ANGPT4: variants seen among roughly 807,000 people sequenced by gnomAD.
ANGPT4 encodes angiopoietin-4.
A neutral mutation model predicts 53.0 loss-of-function variants in ANGPT4; 50 were observed. The observed-to-expected ratio is 0.94, with a 90% confidence interval of 0.75 to 1.20. The LOEUF is 1.20. ANGPT4 is among the 50% of genes most tolerant of loss of function. ANGPT4 has a pLI of 0.00. For synonymous variants in ANGPT4, 251 were observed against 259.7 expected, an observed-to-expected ratio of 0.97 and a Z score of 0.32; for missense variants, 648 against 637.1, an observed-to-expected ratio of 1.02 and a Z score of -0.18.
intron 1 of ANGPT4, among the ~76,000 whole-genome samples, chr20:903,339 C>T (rs747263935): frequency 2.0e-5 from 3 of 152,186 alleles, no homozygotes; most frequent in Non-Finnish European, 4.4e-5. Flanking sequence ...ATCCTGCATC[C>T]AATCTGTTGT....
intron 1 of ANGPT4, among the ~76,000 whole-genome samples, chr20:907,262 A>C (rs560976393): frequency 2.0e-5 from 3 of 152,124 alleles, no homozygotes; most frequent in Admixed American, 6.5e-5. Flanking sequence ...CCTGAGCCTC[A>C]CCTTTCATGG....
chr20:893,642 A>G (rs555088645), intron 1 of ANGPT4, among the ~76,000 whole-genome samples: 320 of 152,094 alleles, frequency 2.1e-3, no homozygotes, highest in African/African-American at 7.2e-3. Context: ...CCATCTCTGC[A>G]TGGTTTCCAA....
At chr20:873,321 G>T (rs1320441020) in intron 8 of ANGPT4, among the ~76,000 whole-genome samples, 1 of 152,056 alleles carries the variant, frequency 6.6e-6, no homozygotes, top group Admixed American at 6.5e-5. Context: ...GCCTCTAGAG[G>T]GCAGCAAGGG....
rs374800781 is a variant in ANGPT4 at position 908,851 on chromosome 20, T to C, written c.309+7055A>G. 7.2e-5 allele frequency among the ~76,000 whole-genome samples: 11 copies of C among 152,208 alleles called. No homozygotes were observed. The highest frequency in any genetic ancestry group is 2.7e-4 in the African/African-American group (11 of 41,452). Reference sequence around the variant, plus strand: ...ATTGAAAGGATGCATGATTTTTTCATGACATTTATGGCATGCTATGTATCT... The same window carrying C: ...ATTGAAAGGATGCATGATTTTTTCACGACATTTATGGCATGCTATGTATCT... On this transcript the variant is annotated intron_variant, in intron 1 of 8. Transcript: ENST00000381922. This position sits in a 1 kb window ranked among gnomAD's most constrained non-coding sequence, Gnocchi z 4.9.
Position 878,384 on chromosome 20 carries a change from G to C in ANGPT4, c.1054-57C>G. 5 of 1,531,406 alleles carry C rather than the reference G, an allele frequency of 3.3e-6. No individual in the cohort carries two copies. The South Asian group carries it at 4.9e-5, about 15-fold the overall frequency. The allele number at this position is 1,531,406 out of a possible 1,614,324, so 94.9% of individuals were successfully genotyped here. On this transcript the variant is annotated intron_variant, in intron 6 of 8. Coordinates refer to ENST00000381922, the MANE Select transcript of ANGPT4 (RefSeq NM_015985.4). The stretch of plus-strand genomic sequence containing the variant: ...TGCTGAGGAGGAGGCCATGTCCCTG[G>C]CTGAGGAGCTGGGCTGGGCCAGGCT...
intron 1 of ANGPT4, among the ~76,000 whole-genome samples, chr20:907,699 C>G (rs1488911600): frequency 6.6e-6 from 1 of 152,210 alleles, no homozygotes; most frequent in Non-Finnish European, 1.5e-5. Context: ...GGTAGCTCTT[C>G]ACAGGTGTAA....
chr20:910,707 T>C (rs976137707), intron 1 of ANGPT4, among the ~76,000 whole-genome samples: 1 of 152,164 alleles, frequency 6.6e-6, no homozygotes, highest in Non-Finnish European at 1.5e-5. Flanking sequence ...AGGAGAGAAC[T>C]AGAAACATGT....
intron 1 of ANGPT4, among the ~76,000 whole-genome samples, chr20:907,093 T>TCA (rs1468807439): frequency 6.6e-6 from 1 of 152,192 alleles, no homozygotes; most frequent in African/African-American, 2.4e-5. Context: ...TGTTTCCTCC[T>TCA]TGCAGAGCGC....
chr20:892,111 T>C (rs894856722), intron 1 of ANGPT4, among the ~76,000 whole-genome samples: 1 of 135,806 alleles, frequency 7.4e-6, no homozygotes, highest in Non-Finnish European at 1.6e-5. Flanking sequence ...CACACAAACA[T>C]GCGCTAACAG....
intron 3 of ANGPT4, among the ~76,000 whole-genome samples, chr20:886,538 C>T (rs1981626129): frequency 6.6e-6 from 1 of 152,158 alleles, no homozygotes; most frequent in Non-Finnish European, 1.5e-5. Context: ...CCTAATAAAG[C>T]CATCGTAAGT....
At chr20:888,585 C>G in intron 2 of ANGPT4, 146 bp from the exon 3 acceptor site, 1 of 1,348,438 alleles carries the variant, frequency 7.4e-7, no homozygotes, top group Non-Finnish European at 9.8e-7. Context: ...TACTCACTCA[C>G]AGGCCCTGAC....
At chr20:876,180 G>A (rs77164499) in intron 7 of ANGPT4, among the ~76,000 whole-genome samples, 1,735 of 151,632 alleles carry the variant, frequency 0.011, 40 homozygotes, top group African/African-American at 0.04. Context: ...GTCTTGCTGG[G>A]TGGAGGCAAG....
At chr20:897,706 G>A (rs1423707631) in intron 1 of ANGPT4, among the ~76,000 whole-genome samples, 2 of 151,990 alleles carry the variant, frequency 1.3e-5, no homozygotes, top group African/African-American at 4.8e-5. Context: ...TACAGCCCAG[G>A]GCTGCTCACC....
Position 890,363 on chromosome 20 carries a change from C to T in ANGPT4, c.315G>A (p.Glu105=), listed in dbSNP as rs542780866. 1.9e-6 allele frequency: 3 copies of T among 1,610,368 alleles called. No individual in the cohort carries two copies. Among genetic ancestry groups the T allele is most frequent in the East Asian group, 4.5e-5 (2 of 44,842 alleles). The change falls in exon 2 of 9, where the codon GAG becomes GAA. Residue 105 remains glutamate (E), a synonymous_variant. Coordinates refer to ENST00000381922, the MANE Select transcript of ANGPT4 (RefSeq NM_015985.4). ...ACCTCAAGATCGTCTTGATGGCCCT[C>T]TCTAGCTGTGGGAGACCATGGGCTG... ...QNNTQWLKKL[E]RAIKTILRSK...
rs531695457 is a variant in ANGPT4, at chr20:871,329, G to A, written c.*1631C>T. The A allele has an allele frequency of 6.6e-6, 1 of 152,342 alleles. No individual in the cohort carries two copies. Among genetic ancestry groups the A allele is most frequent in the Non-Finnish European group, 1.5e-5 (1 of 68,146 alleles). 9.4% of individuals were successfully genotyped at this position (152,342 alleles called of 1,614,324 possible). On this transcript the variant is annotated 3_prime_UTR_variant, in exon 9 of 9. Coordinates refer to ENST00000381922, the MANE Select transcript of ANGPT4 (RefSeq NM_015985.4). ...CTGGGGCGAGCCAGGGGGATGAAGG[G>A]GTCCCATTCCCATTGGCTCAGTCTC... is the stretch of plus-strand genomic sequence containing the variant.
intron 1 of ANGPT4, among the ~76,000 whole-genome samples, chr20:906,997 C>T (rs1431444341): frequency 6.6e-6 from 1 of 152,206 alleles, no homozygotes; most frequent in African/African-American, 2.4e-5. Flanking sequence ...TGGAGCACTG[C>T]ACTGAGAGTC....
chr20:894,860 C>T (rs1981983678), intron 1 of ANGPT4, among the ~76,000 whole-genome samples: 2 of 152,218 alleles, frequency 1.3e-5, no homozygotes, highest in African/African-American at 4.8e-5. Context: ...GCTGGTGATT[C>T]AGGGCAGCTC....
intron 4 of ANGPT4, among the ~76,000 whole-genome samples, chr20:882,596 C>T (rs1981451308): frequency 2.0e-5 from 3 of 152,152 alleles, no homozygotes; most frequent in Non-Finnish European, 2.9e-5. Context: ...GAGACCCCTG[C>T]CCCACCTGTT....
intron 1 of ANGPT4, among the ~76,000 whole-genome samples, chr20:899,716 T>C (rs1202559263): frequency 2.0e-5 from 3 of 152,184 alleles, no homozygotes; most frequent in Non-Finnish European, 4.4e-5. Context: ...GCCAAACCCA[T>C]ATACTCTCCT....
Sources: gnomAD v4.1 joint callset for allele counts (sites outside exome capture counted in the v4.1 genomes callset) on GRCh38, gnomAD v4.1.1 for gene constraint, Gnocchi (gnomAD v3.1) non-coding constraint, MANE v1.5 for transcripts, NCBI Gene and HGNC (gene_info 2026-07-23, HGNC 2026-07-21) for gene names.